Variants in PLCB1 observed in about 807,000 individuals in gnomAD.
The protein encoded by PLCB1 is 1-phosphatidylinositol 4,5-bisphosphate phosphodiesterase beta-1.
PLCB1 carries 46 observed loss-of-function variants against 161.8 expected under a neutral mutation model. The observed-to-expected ratio is 0.28, with a 90% CI of 0.22 to 0.36. The LOEUF is 0.36. Ranked by LOEUF, PLCB1 falls within the 10% of genes least tolerant of loss-of-function variation. The pLI is 1.00. For missense variants in PLCB1, 1,016 were observed against 1,472.5 expected (o/e 0.69, Z 5.07); for synonymous variants, 517 against 503.7 (o/e 1.03, Z -0.35).
chr20:8,197,534 A>C (rs2052038639), intron 2 of PLCB1, among the ~76,000 whole-genome samples: 1 of 151,772 alleles, frequency 6.6e-6, no homozygotes, highest in African/African-American at 2.4e-5. Context: ...AATTTGTTTG[A>C]GTTCATTGTA....
intron 3 of PLCB1, among the ~76,000 whole-genome samples, chr20:8,385,298 C>T (rs756832708): frequency 6.6e-6 from 1 of 152,222 alleles, no homozygotes; most frequent in African/African-American, 2.4e-5. Flanking sequence ...TGAAGAGGCA[C>T]TCTGGCTGCA....
intron 23 of PLCB1, among the ~76,000 whole-genome samples, chr20:8,747,195 A>C (rs546719737): frequency 6.6e-6 from 1 of 152,148 alleles, no homozygotes; most frequent in African/African-American, 2.4e-5. Flanking sequence ...TCCCCCCTTT[A>C]ATCACTGGAT....
intron 2 of PLCB1, among the ~76,000 whole-genome samples, chr20:8,345,973 A>G (rs1328062107): frequency 3.3e-5 from 5 of 152,228 alleles, no homozygotes; most frequent in African/African-American, 1.2e-4. Context: ...GGGTCCAGTG[A>G]GGTTTGGTAT....
chr20:8,630,728 C>T (rs1173837008), intron 4 of PLCB1, among the ~76,000 whole-genome samples: 1 of 152,156 alleles, frequency 6.6e-6, no homozygotes, highest in Non-Finnish European at 1.5e-5. Flanking sequence ...TGCACTAAAT[C>T]TCAATTAAAA....
chr20:8,232,996 C>T (rs1015563262), intron 2 of PLCB1, among the ~76,000 whole-genome samples: 1 of 152,146 alleles, frequency 6.6e-6, no homozygotes, highest in Non-Finnish European at 1.5e-5. Flanking sequence ...CCCTCTCTCA[C>T]TCCAGGAGAT....
intron 31 of PLCB1, among the ~76,000 whole-genome samples, chr20:8,867,085 G>A (rs1259389173): frequency 6.6e-6 from 1 of 152,164 alleles, no homozygotes; most frequent in Admixed American, 6.5e-5. Flanking sequence ...ACATAACTGA[G>A]TTCATTCTAG....
intron 2 of PLCB1, among the ~76,000 whole-genome samples, chr20:8,253,935 T>C (rs1321818175): frequency 6.6e-6 from 1 of 152,040 alleles, no homozygotes; most frequent in African/African-American, 2.4e-5. Flanking sequence ...TCTATGTTGC[T>C]GCAAAGGACA....
chr20:8,182,213 T>C (rs2051851588), intron 2 of PLCB1, among the ~76,000 whole-genome samples: 1 of 152,116 alleles, frequency 6.6e-6, no homozygotes, highest in African/African-American at 2.4e-5. Flanking sequence ...CAGTGTTGAG[T>C]GTGAAGGATG....
At chr20:8,869,557 A>G (rs919822421) in intron 31 of PLCB1, among the ~76,000 whole-genome samples, 2 of 152,248 alleles carry the variant, frequency 1.3e-5, no homozygotes, top group South Asian at 2.1e-4. Context: ...GGAAAATGGT[A>G]AACAACTCAT....
At chr20:8,382,287 T>C (rs897314839) in intron 3 of PLCB1, among the ~76,000 whole-genome samples, 14 of 148,496 alleles carry the variant, frequency 9.4e-5, no homozygotes, top group African/African-American at 3.5e-4. Flanking sequence ...CTTTTTCTTT[T>C]TTTTTTTTTT....
chr20:8,535,437 T>G (rs868574043), intron 3 of PLCB1, among the ~76,000 whole-genome samples: 2 of 152,156 alleles, frequency 1.3e-5, no homozygotes, highest in African/African-American at 2.4e-5. Flanking sequence ...CCATTCCCTT[T>G]AACATAGTAG....
chr20:8,703,237 C>A (rs919759453), intron 11 of PLCB1, among the ~76,000 whole-genome samples: 7 of 152,192 alleles, frequency 4.6e-5, no homozygotes, highest in Non-Finnish European at 8.8e-5. Context: ...CATTCAATAA[C>A]CCTACTTAAT....
chr20:8,493,296 C>T (rs1983024656), intron 3 of PLCB1, among the ~76,000 whole-genome samples: 1 of 152,114 alleles, frequency 6.6e-6, no homozygotes, highest in African/African-American at 2.4e-5. Flanking sequence ...CAAACATGAA[C>T]ACTGACTTAA....
intron 3 of PLCB1, among the ~76,000 whole-genome samples, chr20:8,538,136 T>G (rs2122942714): frequency 6.6e-6 from 1 of 152,312 alleles, no homozygotes; most frequent in East Asian, 1.9e-4. Flanking sequence ...GGATTAATAT[T>G]CTGTACATTC....
intron 2 of PLCB1, among the ~76,000 whole-genome samples, chr20:8,283,717 C>G (rs77342578): frequency 0.016 from 2,368 of 151,998 alleles, 74 homozygotes; most frequent in African/African-American, 0.054. Flanking sequence ...TTTGAGTACT[C>G]ACTGCATCAA....
At chr20:8,855,812 G>A (rs537427394) in intron 31 of PLCB1, among the ~76,000 whole-genome samples, 6 of 152,312 alleles carry the variant, frequency 3.9e-5, no homozygotes, top group African/African-American at 1.4e-4. Flanking sequence ...TTCTGGCCAA[G>A]TCACTTAAAT....
chr20:8,570,903 A>G lies in PLCB1; in HGVS notation c.247-57391A>G, dbSNP rs111861121. Among the ~76,000 whole-genome samples the G allele has an allele frequency of 6.2e-3, 946 of 152,306 alleles. 13 individuals carry two copies. Among genetic ancestry groups the G allele is most frequent in the African/African-American group, 0.021 (892 of 41,562 alleles). Reference sequence around the variant, plus strand: ...AAGAAGAGCCATCCAGGCAAAGATCAGGGGTCTGGAGCACACAGAGAAGAA... The same window carrying G: ...AAGAAGAGCCATCCAGGCAAAGATCGGGGGTCTGGAGCACACAGAGAAGAA... On this transcript the variant is annotated intron_variant, in intron 3 of 31. Coordinates refer to ENST00000338037, the MANE Select transcript of PLCB1 (RefSeq NM_015192.4).
chr20:8,195,493 T>C (rs963915027), intron 2 of PLCB1, among the ~76,000 whole-genome samples: 3 of 152,046 alleles, frequency 2.0e-5, no homozygotes, highest in African/African-American at 7.2e-5. Context: ...CCTCATGTAG[T>C]GTGTCTGCAT....
At chr20:8,705,503 C>T (rs748859237) in intron 11 of PLCB1, among the ~76,000 whole-genome samples, 1 of 152,126 alleles carries the variant, frequency 6.6e-6, no homozygotes, top group Non-Finnish European at 1.5e-5. Flanking sequence ...CACAAAGATA[C>T]GGTACATAGA....
Sources: gnomAD v4.1 joint callset for allele counts (sites outside exome capture counted in the v4.1 genomes callset) on GRCh38, gnomAD v4.1.1 for gene constraint, MANE v1.5 for transcripts, NCBI Gene and HGNC (gene_info 2026-07-23, HGNC 2026-07-21) for gene names.